The following MED23 variants were observed in gnomAD, a reference collection of about 807,000 sequenced individuals.
The protein encoded by MED23 is mediator complex subunit 23.
In MED23, 105 loss-of-function variants were observed where a neutral mutation model predicts 163.9. That is an observed-to-expected ratio of 0.64 (90% confidence interval 0.55 to 0.75). The LOEUF is 0.75. Ranked by LOEUF, MED23 falls within the 30% of genes least tolerant of loss-of-function variation. The probability of loss-of-function intolerance (pLI) is 0.00; values close to 1 mark genes in which losing one functional copy is unlikely to be tolerated. For missense variants in MED23, 1,054 were observed against 1,649.0 expected (o/e 0.64, Z 6.25); for synonymous variants, 561 against 565.6 (o/e 0.99, Z 0.12).
chr6:131,612,091 T>G (rs1478273922), intron 10 of MED23, among the ~76,000 whole-genome samples: 1 of 152,092 alleles, frequency 6.6e-6, no homozygotes, highest in Non-Finnish European at 1.5e-5. Flanking sequence ...AAGATTACCC[T>G]TAACTTTTCT....
At chr6:131,592,289 C>G in intron 25 of MED23, 99 bp downstream of exon 25, 1 of 979,460 alleles carries the variant, frequency 1.0e-6, no homozygotes, top group Admixed American at 1.8e-5. Context: ...TGCATGACGT[C>G]CCGTACAAGG....
rs775395072 is a variant in MED23, at chr6:131,589,619, T to A, written c.3808-23A>T. ...AATCTATTTAACAAATAATGTAAAA[T>A]TATTTAAGTGATCAAGTGATTCAGT... On this transcript the variant is annotated intron_variant, in intron 27 of 28. Transcript: ENST00000368068. The A allele has an allele frequency of 2.5e-6, 4 of 1,611,234 alleles. No individual in the cohort carries two copies. The African/African-American group carries it at 5.4e-5, about 22-fold the overall frequency.
chr6:131,616,127 T>TG (rs957064292), intron 9 of MED23, 125 bp from the exon 10 acceptor site: 33 of 763,232 alleles, frequency 4.3e-5, no homozygotes, highest in Non-Finnish European at 6.7e-5. Flanking sequence ...CAGTATCTAG[T>TG]GGGAAAAAAA....
chr6:131,607,677 A>C (rs1182042685), intron 12 of MED23, among the ~76,000 whole-genome samples: 1 of 152,176 alleles, frequency 6.6e-6, no homozygotes, highest in Non-Finnish European at 1.5e-5. Flanking sequence ...CTCAACTGTC[A>C]AAGAAAAAAT....
At chr6:131,600,007 G>A in intron 18 of MED23, 31 bp downstream of exon 18, 1 of 1,612,490 alleles carries the variant, frequency 6.2e-7, no homozygotes, top group Non-Finnish European at 8.5e-7. Context: ...GATTTCATGT[G>A]CATTCAATAA....
At chr6:131,600,245 A>C in intron 17 of MED23, 83 bp from the exon 18 acceptor site, 3 of 1,339,150 alleles carry the variant, frequency 2.2e-6, no homozygotes, top group Non-Finnish European at 3.1e-6. Flanking sequence ...AATAATAATT[A>C]TGTACACTGA....
intron 11 of MED23, among the ~76,000 whole-genome samples, chr6:131,609,753 T>C (rs1776143780): frequency 6.8e-6 from 1 of 147,288 alleles, no homozygotes; most frequent in South Asian, 2.1e-4. Context: ...TATGTATATA[T>C]ATATATATAA....
Position 131,618,218 on chromosome 6 carries a change from T to C in MED23, c.780+189A>G, listed in dbSNP as rs1225875602. ...TTGCCAGAGGTGGACCACTGGAGCATAAACACCCACAATAGCATAAACCAC... is the reference window on the plus strand; with the variant it reads ...TTGCCAGAGGTGGACCACTGGAGCACAAACACCCACAATAGCATAAACCAC... On this transcript the variant is annotated intron_variant, in intron 9 of 28. Coordinates refer to ENST00000368068, the MANE Select transcript of MED23 (RefSeq NM_004830.4). Among the ~76,000 whole-genome samples, 5 of 152,210 alleles carry C rather than the reference T, an allele frequency of 3.3e-5. No homozygotes were observed. The East Asian group carries it at 7.7e-4, about 23-fold the overall frequency.
At position 131,623,384 on chromosome 6, in the gene MED23, C is replaced by T; in HGVS notation, c.363G>A (p.Leu121=). Residue 121 remains leucine, a synonymous_variant, in exon 5 of 29, where the codon CTG becomes CTA. Coordinates refer to ENST00000368068, the MANE Select transcript of MED23 (RefSeq NM_004830.4). The part of the protein sequence containing the change: ...RTQLWALTFK[L]VRKIIGGVDY... ...CCACTCCCCCAATTATTTTCCGAACCAGTTTAAATGTTAAGGCCCAAAGCT... is the reference window on the plus strand; with the variant it reads ...CCACTCCCCCAATTATTTTCCGAACTAGTTTAAATGTTAAGGCCCAAAGCT... The T allele has an allele frequency of 6.2e-7, 1 of 1,613,992 alleles. No homozygotes were observed. Among genetic ancestry groups the T allele is most frequent in the South Asian group, 1.1e-5 (1 of 91,072 alleles).
At position 131,593,128 on chromosome 6, in the gene MED23, C is replaced by G. The variant is rs762264971; in HGVS notation, c.3276G>C (p.Trp1092Cys). The change falls in exon 24 of 29, where the codon TGG (tryptophan) becomes TGC (cysteine). Residue 1092 changes from tryptophan (W) to cysteine (C), a missense_variant. Trp to Cys is a radical substitution (Grantham distance 215, BLOSUM62 -2). This residue lies in a region of MED23 where 362 missense variants were observed against 471.6 expected (regional missense o/e 0.77). Transcript: ENST00000368068. ...CTGGGTTGGGAAACTCATTGAATCT[C>G]CAGTCACAGTTTGGAAAGGGACCAG... ...KSPGPFPNCDWRFNEFPNPAA... is the reference protein window; with the variant it reads ...KSPGPFPNCDCRFNEFPNPAA... The G allele has an allele frequency of 6.2e-6, 10 of 1,614,038 alleles. No homozygotes were observed. The highest frequency in any genetic ancestry group is 8.5e-6 in the Non-Finnish European group (10 of 1,180,030).
Position 131,586,928 on chromosome 6 carries a change from G to C in MED23, c.*751C>G. The C allele has an allele frequency of 6.8e-7, 1 of 1,465,920 alleles. No individual in the cohort carries two copies. Among genetic ancestry groups the C allele is most frequent in the Middle Eastern group, 2.3e-4 (1 of 4,380 alleles). The allele number at this position is 1,465,920 out of a possible 1,614,324, so 90.8% of individuals were successfully genotyped here. On this transcript the variant is annotated 3_prime_UTR_variant, in exon 29 of 29. Transcript: ENST00000368068. ...AAGAATTACATCATCTGTCAGGTGAGAGTGTCAACCTGCAAAAGCAATTAA... is the reference window on the plus strand; with the variant it reads ...AAGAATTACATCATCTGTCAGGTGACAGTGTCAACCTGCAAAAGCAATTAA...
rs561364479 is a variant in MED23, at chr6:131,587,871, C to T, written c.3940-25G>A. 36 of 1,582,674 alleles carry T rather than the reference C, an allele frequency of 2.3e-5. No individual in the cohort carries two copies. The Middle Eastern group carries it at 8.3e-4, about 37-fold the overall frequency. On this transcript the variant is annotated intron_variant, in intron 28 of 28. Transcript: ENST00000368068. ...CCTAAGAAATAAAAACACATTAAAA[C>T]GTACTTTAATCAGAGAATTTCAACT...
At chr6:131,594,750 A>AC (rs1774914669) in intron 22 of MED23, among the ~76,000 whole-genome samples, 1 of 152,210 alleles carries the variant, frequency 6.6e-6, no homozygotes, top group Admixed American at 6.5e-5. Context: ...AATACAAATG[A>AC]CCAACCCTAA....
At position 131,604,334 on chromosome 6, in the gene MED23, AAG is replaced by A; in HGVS notation, c.1614-16_1614-15del. ...CTGTGAATAAGGCTGAGGAGAAAAA[AAG>A]GGAAGAAAATAAAAATCCATATTTT... On this transcript the variant is annotated splice_polypyrimidine_tract_variant and intron_variant, in intron 14 of 28. Transcript: ENST00000368068. 1 of 1,613,402 alleles carries A rather than the reference AAG, an allele frequency of 6.2e-7. No homozygotes were observed. Among genetic ancestry groups the A allele is most frequent in the Non-Finnish European group, 8.5e-7 (1 of 1,179,576 alleles).
chr6:131,619,771 T>C, intron 8 of MED23, 56 bp downstream of exon 8: 1 of 1,311,320 alleles, frequency 7.6e-7, no homozygotes, highest in Non-Finnish European at 1.1e-6. Context: ...CTTTGTTCAA[T>C]AATTAGATTA....
chr6:131,583,227 A>T, downstream of MED23: 1 of 1,597,228 alleles, frequency 6.3e-7, no homozygotes, highest in Non-Finnish European at 8.6e-7. Flanking sequence ...CTGACAACCA[A>T]AGTTATTAAT....
At chr6:131,602,941 A>C (rs1296339215) in intron 16 of MED23, 89 bp downstream of exon 16, 4 of 1,334,828 alleles carry the variant, frequency 3.0e-6, no homozygotes, top group African/African-American at 3.0e-5. Context: ...AAAAAAAAAA[A>C]CTATAAGGTA....
chr6:131,592,852 C>T (rs1774747902), intron 24 of MED23, 154 bp downstream of exon 24: 1 of 901,626 alleles, frequency 1.1e-6, no homozygotes, highest in Non-Finnish European at 1.7e-6. Flanking sequence ...TCCATAACTC[C>T]TATATCACAA....
In MED23 at chr6:131,615,963, A is replaced by G. The variant is rs754373654; in HGVS notation, c.820T>C (p.Leu274=). The change falls in exon 10 of 29, where the codon TTG becomes CTG. Residue 274 remains leucine (L), a synonymous_variant. Coordinates refer to ENST00000368068, the MANE Select transcript of MED23 (RefSeq NM_004830.4). ...EPQTALLRYV[L]EQPYSRDMVC... is the part of the protein sequence containing the mutation. ...ATATCCCTGGAATAAGGCTGCTCCA[A>G]TACATATCTCAACAAAGCAGTCTGT... The G allele has an allele frequency of 6.2e-7, 1 of 1,613,750 alleles. No homozygotes were observed. The highest frequency in any genetic ancestry group is 8.5e-7 in the Non-Finnish European group (1 of 1,179,872).
Sources: gnomAD v4.1 joint callset for allele counts (sites outside exome capture counted in the v4.1 genomes callset) on GRCh38, gnomAD v4.1.1 for gene constraint, gnomAD v4.1.1 regional missense constraint, MANE v1.5 for transcripts, NCBI Gene and HGNC (gene_info 2026-07-23, HGNC 2026-07-21) for gene names.